Variants in KCNQ3 observed in about 807,000 individuals in gnomAD.
KCNQ3 encodes the protein potassium voltage-gated channel subfamily KQT member 3.
KCNQ3 carries 30 observed loss-of-function variants against 92.5 expected under a neutral mutation model. The ratio of observed to expected loss-of-function variants is 0.32; its 90% CI spans 0.24 to 0.44. KCNQ3 has a LOEUF of 0.44. Ranked by LOEUF, KCNQ3 falls within the 20% of genes least tolerant of loss-of-function variation. The pLI is 1.00. For synonymous variants in KCNQ3, 450 were observed against 468.8 expected, an observed-to-expected ratio of 0.96 and a Z score of 0.52; for missense variants, 913 against 1,140.3, an observed-to-expected ratio of 0.80 and a Z score of 2.87.
intron 1 of KCNQ3, among the ~76,000 whole-genome samples, chr8:132,375,343 AC>A (rs1819578777): frequency 7.6e-6 from 1 of 132,140 alleles, no homozygotes; most frequent in Non-Finnish European, 1.6e-5. Flanking sequence ...AAAGAATGGC[AC>A]TGTTTTTGCC....
At chr8:132,475,927 A>T (rs558007231) in intron 1 of KCNQ3, among the ~76,000 whole-genome samples, 4 of 152,300 alleles carry the variant, frequency 2.6e-5, no homozygotes, top group African/African-American at 9.6e-5. Context: ...AGGGGGGAAA[A>T]ATGGTTTCCT....
intron 1 of KCNQ3, among the ~76,000 whole-genome samples, chr8:132,201,830 T>TG (rs1472657326): frequency 6.6e-6 from 1 of 152,192 alleles, no homozygotes; most frequent in Non-Finnish European, 1.5e-5. Context: ...ATGACTTCAC[T>TG]GGGCACTGCC....
intron 1 of KCNQ3, among the ~76,000 whole-genome samples, chr8:132,469,625 C>T (rs952705277): frequency 6.6e-6 from 1 of 151,896 alleles, no homozygotes; most frequent in Non-Finnish European, 1.5e-5. Flanking sequence ...GACACTGTCC[C>T]GCTTGTTAAA....
intron 1 of KCNQ3, among the ~76,000 whole-genome samples, chr8:132,330,662 T>A (rs1379903361): frequency 6.6e-6 from 1 of 152,140 alleles, no homozygotes; most frequent in East Asian, 1.9e-4. Context: ...GGCAAAACAT[T>A]AGGAGCTGGG....
Position 132,140,122 on chromosome 8 carries a change from T to C in KCNQ3, c.1522A>G (p.Ile508Val), listed in dbSNP as rs1189606083. 17 of 1,612,156 alleles carry C rather than the reference T, an allele frequency of 1.1e-5. No homozygotes were observed. The highest frequency in any genetic ancestry group is 1.4e-5 in the Non-Finnish European group (16 of 1,179,332). ...TTCAGGGTGGGGATCATGTCTTCGA[T>C]GGGGAAGTCATTCCCATAGCCCCTG... is the stretch of plus-strand genomic sequence containing the variant. Reference protein sequence around the residue: ...EDRGYGNDFPIEDMIPTLKAA... With the variant: ...EDRGYGNDFPVEDMIPTLKAA... Residue 508 changes from isoleucine (I) to valine (V), a missense_variant, in exon 11 of 15, where the codon ATC becomes GTC. By Grantham distance (29) the Ile-to-Val change is conservative (BLOSUM62 3). This residue lies in a region of KCNQ3 where 182 missense variants were observed against 234.5 expected (regional missense o/e 0.78). Coordinates refer to ENST00000388996, the MANE Select transcript of KCNQ3 (RefSeq NM_004519.4).
At chr8:132,397,070 T>C (rs1178641843) in intron 1 of KCNQ3, among the ~76,000 whole-genome samples, 1 of 152,102 alleles carries the variant, frequency 6.6e-6, no homozygotes, top group Non-Finnish European at 1.5e-5. Flanking sequence ...TTATTATTAC[T>C]GCATTTTTCA....
rs567003173 is a variant in KCNQ3 at position 132,471,588 on chromosome 8, C to T, written c.386+8559G>A. 3.0e-4 allele frequency among the ~76,000 whole-genome samples: 45 copies of T among 152,224 alleles called. No homozygotes were observed. In the South Asian group the frequency reaches 8.5e-3, roughly 29 times the overall value. On this transcript the variant is annotated intron_variant, in intron 1 of 14. Transcript: ENST00000388996. ...TTCACAACAATGCAGAATAATGAAA[C>T]GACCTCTATGCCTTACCATATACAA...
chr8:132,220,514 C>A (rs1023989588), intron 1 of KCNQ3, among the ~76,000 whole-genome samples: 1 of 152,098 alleles, frequency 6.6e-6, no homozygotes, highest in African/African-American at 2.4e-5. Flanking sequence ...TTTGGGAGGC[C>A]GAGGCAGGTG....
At position 132,265,199 on chromosome 8, in the gene KCNQ3, A is replaced by C. The variant is rs77801452; in HGVS notation, c.387-79018T>G. Among the ~76,000 whole-genome samples the C allele has an allele frequency of 7.5e-4, 114 of 152,360 alleles. No individual in the cohort carries two copies. In the East Asian group the frequency reaches 0.019, roughly 26 times the overall value. On this transcript the variant is annotated intron_variant, in intron 1 of 14. Transcript: ENST00000388996. The stretch of plus-strand genomic sequence containing the variant: ...GCATTCTAGAATAGCAGCTTAGCTA[A>C]TTTCAACTGGGCCTGGTGGTTTTAA...
At chr8:132,439,435 G>A (rs1179680654) in intron 1 of KCNQ3, among the ~76,000 whole-genome samples, 2 of 152,030 alleles carry the variant, frequency 1.3e-5, no homozygotes, top group Non-Finnish European at 2.9e-5. Context: ...GAGAAAGAAG[G>A]TGCTTCCATT....
chr8:132,234,947 G>A (rs1814763567), intron 1 of KCNQ3, among the ~76,000 whole-genome samples: 1 of 152,096 alleles, frequency 6.6e-6, no homozygotes, highest in South Asian at 2.1e-4. Context: ...CACATTCCGT[G>A]GTGATGGTTG....
intron 1 of KCNQ3, among the ~76,000 whole-genome samples, chr8:132,388,345 CA>C (rs1416897338): frequency 2.6e-5 from 4 of 152,142 alleles, no homozygotes; most frequent in African/African-American, 9.7e-5. Context: ...TCTAGGAATA[CA>C]TTCTGAAGAA....
At position 132,235,563 on chromosome 8, in the gene KCNQ3, C is replaced by T. The variant is rs556666811; in HGVS notation, c.387-49382G>A. ...ACCAAGCTAACTGGAGAGAGACTTA[C>T]GTGACCACACATGAAAAACAATACA... is the stretch of plus-strand genomic sequence containing the variant. On this transcript the variant is annotated intron_variant, in intron 1 of 14. Coordinates refer to ENST00000388996, the MANE Select transcript of KCNQ3 (RefSeq NM_004519.4). Among the ~76,000 whole-genome samples the T allele has an allele frequency of 9.2e-5, 14 of 152,292 alleles. No individual in the cohort carries two copies. The East Asian group carries it at 1.5e-3, about 17-fold the overall frequency.
intron 1 of KCNQ3, among the ~76,000 whole-genome samples, chr8:132,209,327 A>G (rs1252029900): frequency 6.6e-6 from 1 of 152,018 alleles, no homozygotes; most frequent in Admixed American, 6.6e-5. Context: ...TCTCTAGCAG[A>G]CTTGTCAGAG....
At chr8:132,170,452 A>C in intron 7 of KCNQ3, 24 bp from the exon 8 acceptor site, 1 of 1,497,144 alleles carries the variant, frequency 6.7e-7, no homozygotes, top group South Asian at 1.1e-5. Context: ...AAGAGGGGCA[A>C]CAATGAGTGG....
At chr8:132,335,287 C>T (rs1293896380) in intron 1 of KCNQ3, among the ~76,000 whole-genome samples, 1 of 152,184 alleles carries the variant, frequency 6.6e-6, no homozygotes, top group Non-Finnish European at 1.5e-5. Flanking sequence ...GATCCGCCTG[C>T]CTCAGCATCC....
intron 1 of KCNQ3, among the ~76,000 whole-genome samples, chr8:132,444,774 TTGAC>T (rs1163134080): frequency 3.3e-5 from 5 of 152,148 alleles, no homozygotes; most frequent in African/African-American, 1.2e-4. Context: ...GCATTGGACT[TTGAC>T]TGAATCAGGC....
intron 1 of KCNQ3, among the ~76,000 whole-genome samples, chr8:132,249,269 C>T (rs1486908484): frequency 6.6e-6 from 1 of 152,194 alleles, no homozygotes; most frequent in Non-Finnish European, 1.5e-5. Context: ...TCTGGCCCCA[C>T]CCACATCCTG....
intron 1 of KCNQ3, among the ~76,000 whole-genome samples, chr8:132,288,177 G>A (rs1215041236): frequency 6.6e-6 from 1 of 152,160 alleles, no homozygotes; most frequent in African/African-American, 2.4e-5. Flanking sequence ...AGCATTCTCA[G>A]TGTAAAATAT....
Sources: gnomAD v4.1 joint callset for allele counts (sites outside exome capture counted in the v4.1 genomes callset) on GRCh38, gnomAD v4.1.1 for gene constraint, gnomAD v4.1.1 regional missense constraint, MANE v1.5 for transcripts, NCBI Gene and HGNC (gene_info 2026-07-23, HGNC 2026-07-21) for gene names.